CLSTN2: variants seen among roughly 807,000 people sequenced by gnomAD.
CLSTN2 encodes calsyntenin-2.
A neutral mutation model predicts 101.2 loss-of-function variants in CLSTN2; 48 were observed. The ratio of observed to expected loss-of-function variants is 0.47; its 90% CI spans 0.38 to 0.60. The LOEUF (loss-of-function observed/expected upper bound fraction) is 0.60. Among genes scored for constraint, CLSTN2 ranks in the 20% least tolerant of loss-of-function variants. CLSTN2 has a pLI of 0.00. For synonymous variants in CLSTN2, 481 were observed against 463.6 expected (o/e 1.04, Z -0.48); for missense variants, 1,160 against 1,238.2 (o/e 0.94, Z 0.95).
At chr3:140,021,595 T>A (rs1255195705) in intron 1 of CLSTN2, among the ~76,000 whole-genome samples, 1 of 151,856 alleles carries the variant, frequency 6.6e-6, no homozygotes, top group Non-Finnish European at 1.5e-5. Context: ...TATGCTGGGG[T>A]TGGTTTGTAA....
intron 1 of CLSTN2, among the ~76,000 whole-genome samples, chr3:140,127,513 GGCGGT>G (rs1414740837): frequency 1.3e-5 from 2 of 152,076 alleles, no homozygotes; most frequent in Non-Finnish European, 2.9e-5. Context: ...TGACGACAGG[GGCGGT>G]GCACAACAGG....
chr3:140,102,450 C>T (rs2008983439), intron 1 of CLSTN2, among the ~76,000 whole-genome samples: 1 of 152,100 alleles, frequency 6.6e-6, no homozygotes, highest in Non-Finnish European at 1.5e-5. Flanking sequence ...GACTTCAGGC[C>T]CTTGGAAAGC....
intron 5 of CLSTN2, among the ~76,000 whole-genome samples, chr3:140,427,756 T>C (rs572123501): frequency 6.6e-6 from 1 of 152,316 alleles, no homozygotes; most frequent in East Asian, 1.9e-4. Context: ...TTTTCTTTTT[T>C]TTATTATTTC....
intron 2 of CLSTN2, among the ~76,000 whole-genome samples, chr3:140,291,560 G>T (rs2086953488): frequency 6.6e-6 from 1 of 151,808 alleles, no homozygotes; most frequent in African/African-American, 2.4e-5. Flanking sequence ...GCCAAATAAT[G>T]GAGTCTTTTA....
chr3:140,221,307 T>C (rs1225060881), intron 2 of CLSTN2, among the ~76,000 whole-genome samples: 1 of 152,232 alleles, frequency 6.6e-6, no homozygotes, highest in African/African-American at 2.4e-5. Flanking sequence ...TGTGAACGTG[T>C]CTATGTTTAG....
intron 2 of CLSTN2, among the ~76,000 whole-genome samples, chr3:140,234,856 A>C (rs540034602): frequency 2.0e-5 from 3 of 152,080 alleles, no homozygotes; most frequent in Non-Finnish European, 4.4e-5. Flanking sequence ...TCCCAAGCTT[A>C]TATTTTCTTG....
chr3:139,975,272 C>G (rs1468991821), intron 1 of CLSTN2, among the ~76,000 whole-genome samples: 2 of 151,948 alleles, frequency 1.3e-5, no homozygotes, highest in Admixed American at 6.6e-5. Context: ...GCACCTTGGG[C>G]AAAGTGGGGG....
At chr3:140,318,209 A>G (rs1040391602) in intron 2 of CLSTN2, among the ~76,000 whole-genome samples, 1 of 152,132 alleles carries the variant, frequency 6.6e-6, no homozygotes, top group Non-Finnish European at 1.5e-5. Context: ...CAGGTAAGCT[A>G]AGGTGCATTG....
intron 1 of CLSTN2, among the ~76,000 whole-genome samples, chr3:139,965,535 A>G (rs1157134399): frequency 6.6e-6 from 1 of 152,154 alleles, no homozygotes; most frequent in East Asian, 1.9e-4. Context: ...GAGAAGGGTA[A>G]ATGGCAATGC....
chr3:140,116,075 C>T (rs1027778640), intron 1 of CLSTN2, among the ~76,000 whole-genome samples: 4 of 152,136 alleles, frequency 2.6e-5, no homozygotes, highest in Non-Finnish European at 5.9e-5. Context: ...TGACCCCTCC[C>T]AGACTAACCT....
chr3:140,103,376 A>G (rs962207042), intron 1 of CLSTN2, among the ~76,000 whole-genome samples: 12 of 152,194 alleles, frequency 7.9e-5, no homozygotes, highest in African/African-American at 2.9e-4. Context: ...TACCCCCTCC[A>G]TAGTGTGCTT....
intron 8 of CLSTN2, among the ~76,000 whole-genome samples, chr3:140,477,120 G>A (rs545438203): frequency 3.3e-5 from 5 of 152,304 alleles, no homozygotes; most frequent in South Asian, 2.1e-4. Flanking sequence ...GCCCAGCAGC[G>A]AGATTAATTT....
rs563230366 is a variant in CLSTN2, at chr3:140,422,922, A to C, written c.787+1648A>C. Among the ~76,000 whole-genome samples, 29 of 152,100 alleles carry C rather than the reference A, an allele frequency of 1.9e-4. No homozygotes were observed. The South Asian group carries it at 5.8e-3, about 30-fold the overall frequency. ...GAATGAAAGAAAAGGTATATGAGTT[A>C]AGAAGAACTCACCTTGTTTTGTTTT... On this transcript the variant is annotated intron_variant, in intron 5 of 16. Transcript: ENST00000458420.
intron 2 of CLSTN2, among the ~76,000 whole-genome samples, chr3:140,373,273 C>T (rs1209840244): frequency 6.6e-6 from 1 of 152,184 alleles, no homozygotes; most frequent in Admixed American, 6.5e-5. Flanking sequence ...GAGAGATCAT[C>T]ACATGAAAAC....
At chr3:140,189,700 A>G (rs983871423) in intron 2 of CLSTN2, among the ~76,000 whole-genome samples, 1 of 152,206 alleles carries the variant, frequency 6.6e-6, no homozygotes, top group Non-Finnish European at 1.5e-5. Context: ...TGTATAAAGT[A>G]AAACACTTTT....
At position 140,459,555 on chromosome 3, in the gene CLSTN2, C is replaced by T. The variant is rs761496732; in HGVS notation, c.1008C>T (p.Ser336=). The stretch of plus-strand genomic sequence containing the variant: ...CTGGCATCATTGACCTCTTGCCATC[C>T]CCTAGCGCTGCCACCAACTGGACTG... The part of the protein sequence containing the change: ...ASSGIIDLLP[S]PSAATNWTAG... The change falls in exon 7 of 17, where the codon TCC becomes TCT. Residue 336 remains serine, a synonymous_variant. Transcript: ENST00000458420. 16 of 1,613,950 alleles carry T rather than the reference C, an allele frequency of 9.9e-6. No individual in the cohort carries two copies. The highest frequency in any genetic ancestry group is 1.6e-4 in the Middle Eastern group (1 of 6,084).
chr3:139,972,666 A>G (rs1023971555), intron 1 of CLSTN2, among the ~76,000 whole-genome samples: 4 of 152,174 alleles, frequency 2.6e-5, no homozygotes, highest in Admixed American at 2.6e-4. Flanking sequence ...GCACTCAGTA[A>G]ATTGTAGTCA....
At chr3:140,033,615 C>G (rs550227617) in intron 1 of CLSTN2, among the ~76,000 whole-genome samples, 4 of 152,190 alleles carry the variant, frequency 2.6e-5, no homozygotes, top group African/African-American at 9.7e-5. Flanking sequence ...ACAAATGAAA[C>G]AGGCAGCCAT....
At chr3:140,484,748 G>A (rs769936945) in intron 8 of CLSTN2, among the ~76,000 whole-genome samples, 113 of 152,046 alleles carry the variant, frequency 7.4e-4, no homozygotes, top group Admixed American at 1.5e-3. Context: ...CCAGTTGATC[G>A]AATCGGCTAC....
Sources: gnomAD v4.1 joint callset for allele counts (sites outside exome capture counted in the v4.1 genomes callset) on GRCh38, gnomAD v4.1.1 for gene constraint, MANE v1.5 for transcripts, NCBI Gene and HGNC (gene_info 2026-07-23, HGNC 2026-07-21) for gene names.